Variants in ZCCHC24 observed in about 807,000 individuals in gnomAD.
ZCCHC24 encodes the protein zinc finger CCHC-type containing 24, also known as zinc finger CCHC domain-containing protein 24.
Under a neutral mutation model 26.2 loss-of-function variants are expected in ZCCHC24, and 10 were observed. The observed-to-expected ratio is 0.38, with a 90% CI of 0.24 to 0.65. ZCCHC24 has a LOEUF of 0.65. Ranked by LOEUF, ZCCHC24 falls within the 30% of genes least tolerant of loss-of-function variation. ZCCHC24 has a pLI of 0.54. For missense variants in ZCCHC24, 243 were observed against 329.1 expected, an observed-to-expected ratio of 0.74 and a Z score of 2.03; for synonymous variants, 144 against 147.1, an observed-to-expected ratio of 0.98 and a Z score of 0.15.
At chr10:79,409,827 C>T (rs997459094) in intron 2 of ZCCHC24, among the ~76,000 whole-genome samples, 10 of 152,260 alleles carry the variant, frequency 6.6e-5, no homozygotes, top group African/African-American at 2.4e-4. Context: ...AGGGCCGACA[C>T]TTCCTGTCCC....
At position 79,439,314 on chromosome 10, in the gene ZCCHC24, T is replaced by C. The variant is rs538509107; in HGVS notation, c.246+5881A>G. 2.0e-5 allele frequency among the ~76,000 whole-genome samples: 3 copies of C among 152,318 alleles called. No homozygotes were observed. The South Asian group carries it at 6.2e-4, about 32-fold the overall frequency. ...GGACAAGGTTTCACTATCTCCCAAGTCAGCTCATTCCAATGAATCAAGAAA... is the reference window on the plus strand; with the variant it reads ...GGACAAGGTTTCACTATCTCCCAAGCCAGCTCATTCCAATGAATCAAGAAA... On this transcript the variant is annotated intron_variant, in intron 1 of 3. Transcript: ENST00000372336.
chr10:79,415,429 G>A (rs1856846367), intron 2 of ZCCHC24, among the ~76,000 whole-genome samples: 1 of 152,168 alleles, frequency 6.6e-6, no homozygotes, highest in Non-Finnish European at 1.5e-5. Context: ...CACATTTAAG[G>A]GGATGGAGTC....
intron 2 of ZCCHC24, among the ~76,000 whole-genome samples, chr10:79,405,279 CCT>C (rs1042028223): frequency 3.3e-5 from 5 of 152,252 alleles, no homozygotes; most frequent in African/African-American, 1.2e-4. Context: ...TTCCCACAAG[CCT>C]CTCTGTGTGC....
chr10:79,416,976 C>T (rs559695554), intron 2 of ZCCHC24, among the ~76,000 whole-genome samples: 7 of 152,200 alleles, frequency 4.6e-5, no homozygotes, highest in Non-Finnish European at 8.8e-5. Flanking sequence ...GTGGGCACCA[C>T]GGCAGACACT....
chr10:79,410,252 C>T (rs978985756), intron 2 of ZCCHC24, among the ~76,000 whole-genome samples: 3 of 152,250 alleles, frequency 2.0e-5, no homozygotes, highest in Non-Finnish European at 4.4e-5. Flanking sequence ...ATAGCATATC[C>T]ATTGGTGTCA....
chr10:79,432,863 C>G (rs972361155), intron 1 of ZCCHC24, 105 bp from the exon 2 acceptor site: 8 of 1,289,646 alleles, frequency 6.2e-6, no homozygotes, highest in Admixed American at 2.8e-5. Context: ...TTCAGCTACC[C>G]GAGGGCTCTG....
intron 3 of ZCCHC24, among the ~76,000 whole-genome samples, chr10:79,387,091 G>A (rs1856407583): frequency 6.6e-6 from 1 of 152,164 alleles, no homozygotes; most frequent in Non-Finnish European, 1.5e-5. Context: ...TGAGCTCCAT[G>A]AGTGTTGATT....
chr10:79,438,639 T>TA (rs1248126457), intron 1 of ZCCHC24, among the ~76,000 whole-genome samples: 2 of 152,202 alleles, frequency 1.3e-5, no homozygotes, highest in African/African-American at 2.4e-5. Context: ...CCAGCAAATG[T>TA]AAAACACAGT....
At chr10:79,439,123 T>C (rs1286202633) in intron 1 of ZCCHC24, among the ~76,000 whole-genome samples, 1 of 152,210 alleles carries the variant, frequency 6.6e-6, no homozygotes, top group Non-Finnish European at 1.5e-5. Flanking sequence ...CCCACTGAAA[T>C]CACATGCAAA....
At chr10:79,406,921 T>C (rs1441633955) in intron 2 of ZCCHC24, among the ~76,000 whole-genome samples, 1 of 152,192 alleles carries the variant, frequency 6.6e-6, no homozygotes, top group Non-Finnish European at 1.5e-5. Flanking sequence ...TGGTGGTACT[T>C]GTTTTCATAC....
intron 1 of ZCCHC24, chr10:79,444,136 A>C (rs1205902609): frequency 1.3e-6 from 2 of 1,545,808 alleles, no homozygotes; most frequent in African/African-American, 2.7e-5. Flanking sequence ...AGTGACCCCC[A>C]TGTGTGTCCT....
intron 2 of ZCCHC24, among the ~76,000 whole-genome samples, chr10:79,420,505 A>G (rs1856921508): frequency 6.6e-6 from 1 of 152,208 alleles, no homozygotes; most frequent in Non-Finnish European, 1.5e-5. Flanking sequence ...TAGGCTGGGC[A>G]TGGTGGCTCA....
rs943022925 is a variant in ZCCHC24, at chr10:79,445,477, G to A, written c.-37C>T. On this transcript the variant is annotated 5_prime_UTR_variant, in exon 1 of 4. Transcript: ENST00000372336. ...GGTGCCGGCCCCTCCCCGGCCGCCC[G>A]CTCGCGGCCCCCCTCCGCAGCGGAG... is the stretch of plus-strand genomic sequence containing the variant. 72 of 1,334,114 alleles carry A rather than the reference G, an allele frequency of 5.4e-5. No individual in the cohort carries two copies. The highest frequency in any genetic ancestry group is 7.6e-5 in the South Asian group (4 of 52,688). The allele number at this position is 1,334,114 out of a possible 1,614,324, so 82.6% of individuals were successfully genotyped here.
At chr10:79,398,692 A>C (rs1856581511) in intron 2 of ZCCHC24, among the ~76,000 whole-genome samples, 1 of 152,214 alleles carries the variant, frequency 6.6e-6, no homozygotes, top group African/African-American at 2.4e-5. Flanking sequence ...CACGCTGCAG[A>C]AGCTCTGGGG....
chr10:79,411,766 C>G (rs919004267), intron 2 of ZCCHC24, among the ~76,000 whole-genome samples: 7 of 152,102 alleles, frequency 4.6e-5, no homozygotes, highest in African/African-American at 1.7e-4. Context: ...ACTGTGAGGA[C>G]AGAAGAAGGG....
chr10:79,434,323 C>G (rs529313238), intron 1 of ZCCHC24, among the ~76,000 whole-genome samples: 1 of 152,202 alleles, frequency 6.6e-6, no homozygotes, highest in Non-Finnish European at 1.5e-5. Context: ...TCCACATTGA[C>G]CTGCGTTCAG....
intron 2 of ZCCHC24, among the ~76,000 whole-genome samples, chr10:79,428,467 G>GATAAATTTCAGTTTTGCAAT: frequency 1.7e-5 from 1 of 57,880 alleles, no homozygotes; most frequent in Non-Finnish European, 3.7e-5. Context: ...AGTTTTGCAA[G>GATAAATTTCAGTTTTGCAAT]ATAAATTTCA....
chr10:79,423,815 T>C (rs1856989492), intron 2 of ZCCHC24, among the ~76,000 whole-genome samples: 1 of 150,162 alleles, frequency 6.7e-6, no homozygotes, highest in Non-Finnish European at 1.5e-5. Flanking sequence ...GTCAAGAGTT[T>C]GAAACCAGCC....
intron 1 of ZCCHC24, among the ~76,000 whole-genome samples, chr10:79,435,781 G>C (rs1469912434): frequency 6.6e-6 from 1 of 152,228 alleles, no homozygotes; most frequent in Non-Finnish European, 1.5e-5. Flanking sequence ...AGTGTGAAGG[G>C]TGGGTGAGGC....
Sources: gnomAD v4.1 joint callset for allele counts (sites outside exome capture counted in the v4.1 genomes callset) on GRCh38, gnomAD v4.1.1 for gene constraint, MANE v1.5 for transcripts, NCBI Gene and HGNC (gene_info 2026-07-23, HGNC 2026-07-21) for gene names.